The following NID1 variants were observed in gnomAD, a reference collection of about 807,000 sequenced individuals.
NID1 encodes nidogen-1.
Under a neutral mutation model 130.6 loss-of-function variants are expected in NID1, and 76 were observed. That is an observed-to-expected ratio of 0.58 (90% CI 0.48 to 0.70). NID1 has a LOEUF of 0.70. Among genes scored for constraint, NID1 ranks in the 30% least tolerant of loss-of-function variants. The probability of loss-of-function intolerance (pLI) is 0.00; values close to 1 mark genes in which losing one functional copy is unlikely to be tolerated. For missense variants in NID1, 1,517 were observed against 1,664.8 expected (o/e 0.91, Z 1.54); for synonymous variants, 665 against 675.1 (o/e 0.98, Z 0.23).
chr1:236,005,369 C>T (rs1353146563), intron 12 of NID1, among the ~76,000 whole-genome samples: 1 of 151,998 alleles, frequency 6.6e-6, no homozygotes, highest in Non-Finnish European at 1.5e-5. Flanking sequence ...TAAACAACTG[C>T]TTTTGGAAAG....
At chr1:236,046,089 C>A (rs1234031044) in intron 2 of NID1, among the ~76,000 whole-genome samples, 2 of 152,058 alleles carry the variant, frequency 1.3e-5, no homozygotes, top group Non-Finnish European at 2.9e-5. Context: ...ACCCAAGCAC[C>A]GTACAGTAGA....
At chr1:235,978,124 T>A in intron 19 of NID1, 136 bp from the exon 20 acceptor site, 2 of 989,822 alleles carry the variant, frequency 2.0e-6, no homozygotes, top group Non-Finnish European at 3.0e-6. Flanking sequence ...TTCAGGAGAA[T>A]GGGGACACTG....
chr1:236,017,043 C>G (rs922395914), intron 10 of NID1, 105 bp downstream of exon 10: 1 of 1,484,194 alleles, frequency 6.7e-7, no homozygotes, highest in African/African-American at 1.4e-5. Flanking sequence ...CTTCCCAGCA[C>G]CTTCCAACTT....
At chr1:235,996,710 T>C (rs1657932803) in intron 12 of NID1, among the ~76,000 whole-genome samples, 1 of 152,172 alleles carries the variant, frequency 6.6e-6, no homozygotes, top group Non-Finnish European at 1.5e-5. Context: ...CCCAAAGTAC[T>C]GGGATTACAG....
intron 4 of NID1, among the ~76,000 whole-genome samples, chr1:236,040,396 C>A (rs1328193140): frequency 6.6e-6 from 1 of 152,178 alleles, no homozygotes; most frequent in Non-Finnish European, 1.5e-5. Context: ...ATCTCGTCCA[C>A]AGTTTGGGAT....
At chr1:236,049,473 T>A (rs1032478692) in intron 1 of NID1, among the ~76,000 whole-genome samples, 1 of 151,948 alleles carries the variant, frequency 6.6e-6, no homozygotes, top group Admixed American at 6.6e-5. Flanking sequence ...GGGTGAACCC[T>A]TGTCTCAAAA....
At position 235,997,827 on chromosome 1, in the gene NID1, C is replaced by T. The variant is rs183019437; in HGVS notation, c.2528-3955G>A. Among the ~76,000 whole-genome samples the T allele has an allele frequency of 5.8e-3, 883 of 152,004 alleles. 12 individuals carry two copies. The highest frequency in any genetic ancestry group is 0.02 in the African/African-American group (841 of 41,444). ...TTCACTATGTTGGCCAGGCTGGTCT[C>T]GAACTCCTGACCTCAGGTGATCCAC... On this transcript the variant is annotated intron_variant, in intron 12 of 19. Transcript: ENST00000264187.
At chr1:235,993,525 G>A in intron 13 of NID1, 120 bp downstream of exon 13, 1 of 938,400 alleles carries the variant, frequency 1.1e-6, no homozygotes, top group African/African-American at 1.6e-5. Context: ...GGGTGGGGCT[G>A]GAGCCAGTGG....
chr1:235,997,075 C>T (rs898192068), intron 12 of NID1, among the ~76,000 whole-genome samples: 7 of 152,136 alleles, frequency 4.6e-5, no homozygotes, highest in East Asian at 1.9e-4. Flanking sequence ...TTCAGGTGAT[C>T]CGCCCGCCTC....
chr1:235,995,303 G>A (rs1458375014), intron 12 of NID1, among the ~76,000 whole-genome samples: 1 of 152,220 alleles, frequency 6.6e-6, no homozygotes, highest in East Asian at 1.9e-4. Flanking sequence ...ATGGGAGGGT[G>A]TGCATAGGTT....
intron 4 of NID1, 68 bp from the exon 5 acceptor site, chr1:236,038,321 T>A: frequency 6.5e-7 from 1 of 1,548,310 alleles, no homozygotes; most frequent in Non-Finnish European, 8.8e-7. Flanking sequence ...GGCTCTCTCA[T>A]CTAGGCACCC....
At position 235,987,050 on chromosome 1, in the gene NID1, T is replaced by C. The variant is rs117511411; in HGVS notation, c.2929-1545A>G. On this transcript the variant is annotated intron_variant, in intron 14 of 19. Coordinates refer to ENST00000264187, the MANE Select transcript of NID1 (RefSeq NM_002508.3). ...AGAAAAGGACCAGAGGAAGCAAAGT[T>C]GAGTAACATTTTACATGTGATTTGA... 2.4e-4 allele frequency among the ~76,000 whole-genome samples: 37 copies of C among 152,354 alleles called. No individual in the cohort carries two copies. In the East Asian group the frequency reaches 6.7e-3, roughly 28 times the overall value.
At chr1:236,064,448 C>G in intron 1 of NID1, 1 of 204,788 alleles carries the variant, frequency 4.9e-6, no homozygotes. Context: ...CCAGCTCCGG[C>G]TCTTGCCCTG....
intron 1 of NID1, among the ~76,000 whole-genome samples, chr1:236,054,165 C>G (rs1659834949): frequency 6.6e-6 from 1 of 152,092 alleles, no homozygotes; most frequent in Admixed American, 6.6e-5. Context: ...TTTAAAAATT[C>G]TAAGAGATGG....
chr1:235,990,044 A>G (rs1383792147), intron 14 of NID1, among the ~76,000 whole-genome samples: 1 of 152,208 alleles, frequency 6.6e-6, no homozygotes, highest in Admixed American at 6.5e-5. Context: ...AAGGACATGA[A>G]TCTCATAAAG....
At position 236,013,501 on chromosome 1, in the gene NID1, G is replaced by A; in HGVS notation, c.2314C>T (p.Pro772Ser). 1 of 1,613,696 alleles carries A rather than the reference G, an allele frequency of 6.2e-7. No homozygotes were observed. Among genetic ancestry groups the A allele is most frequent in the Non-Finnish European group, 8.5e-7 (1 of 1,179,914 alleles). Residue 772 changes from proline to serine, a missense_variant, in exon 11 of 20, where the codon CCC becomes TCC. Physicochemically the swap from Pro to Ser is moderately conservative, Grantham distance 74. Coordinates refer to ENST00000264187, the MANE Select transcript of NID1 (RefSeq NM_002508.3). ...GTGTAGATACACTGGGCCCGCTGGG[G>A]TATGTCGCAGTTATGAAGGCCAGTT... ...CETGLHNCDI[P>S]QRAQCIYTGG... is the part of the protein sequence containing the mutation.
chr1:236,061,767 G>T (rs1184812791), intron 1 of NID1, among the ~76,000 whole-genome samples: 1 of 151,642 alleles, frequency 6.6e-6, no homozygotes, highest in Non-Finnish European at 1.5e-5. Context: ...ATGACCAAAG[G>T]ATTTGAACAG....
chr1:235,978,149 C>G (rs1418788734), intron 19 of NID1, among the ~76,000 whole-genome samples, 161 bp from the exon 20 acceptor site: 3 of 152,208 alleles, frequency 2.0e-5, no homozygotes, highest in African/African-American at 7.2e-5. Flanking sequence ...AGGCAGTCAG[C>G]TGAGCTGATC....
At chr1:236,019,477 C>T (rs1008261706) in intron 9 of NID1, among the ~76,000 whole-genome samples, 2 of 152,164 alleles carry the variant, frequency 1.3e-5, no homozygotes, top group African/African-American at 2.4e-5. Context: ...GGAACATTTA[C>T]GCAAGGGGAA....
Sources: allele counts gnomAD v4.1 joint callset (sites outside exome capture counted in the v4.1 genomes callset), GRCh38; gene constraint gnomAD v4.1.1; transcripts MANE v1.5; gene names NCBI Gene and HGNC (gene_info 2026-07-23, HGNC 2026-07-21).